The following GLG1 variants were observed in gnomAD, a reference collection of about 807,000 sequenced individuals.
GLG1 encodes Golgi apparatus protein 1.
A neutral mutation model predicts 160.5 loss-of-function variants in GLG1; 38 were observed. That is an observed-to-expected ratio of 0.24 (90% CI 0.18 to 0.31). GLG1 has a LOEUF of 0.31. Among genes scored for constraint, GLG1 ranks in the 10% least tolerant of loss-of-function variants. The pLI, the probability that GLG1 is intolerant of heterozygous loss-of-function variation, is 1.00. For synonymous variants in GLG1, 644 were observed against 543.4 expected, an observed-to-expected ratio of 1.19 and a Z score of -2.57; for missense variants, 1,373 against 1,505.2, an observed-to-expected ratio of 0.91 and a Z score of 1.45.
chr16:74,517,031 T>C (rs1021803886), intron 2 of GLG1, among the ~76,000 whole-genome samples: 1 of 152,160 alleles, frequency 6.6e-6, no homozygotes, highest in Admixed American at 6.5e-5. Context: ...AATAGACTAA[T>C]AACAGGTTCT....
chr16:74,550,717 C>T (rs900576374), intron 1 of GLG1, among the ~76,000 whole-genome samples: 1 of 151,766 alleles, frequency 6.6e-6, no homozygotes, highest in African/African-American at 2.4e-5. Flanking sequence ...GGGGGACAAG[C>T]TTGGCAGCAA....
rs779871984 is a variant in GLG1, at chr16:74,492,919, A to G, written c.1234+38T>C. ...GCTTTAGAGTGTGAATCCAAAAAGG[A>G]ACAGAAATGATAATTAAAAAAAAAA... is the stretch of plus-strand genomic sequence containing the variant. On this transcript the variant is annotated intron_variant, in intron 7 of 25. Coordinates refer to ENST00000422840, the MANE Select transcript of GLG1 (RefSeq NM_001145667.2). 7.5e-6 allele frequency: 10 copies of G among 1,338,750 alleles called. No individual in the cohort carries two copies. In the African/African-American group the frequency reaches 1.5e-4, roughly 20 times the overall value. The allele number at this position is 1,338,750 out of a possible 1,614,324, so 82.9% of individuals were successfully genotyped here.
chr16:74,597,612 G>C (rs1216268457), intron 1 of GLG1, among the ~76,000 whole-genome samples: 1 of 152,066 alleles, frequency 6.6e-6, no homozygotes, highest in Non-Finnish European at 1.5e-5. Flanking sequence ...CCAACACTTT[G>C]GGAGGCCGAA....
rs767987999 is a variant in GLG1, at chr16:74,508,941, A to T, written c.472-16T>A. The stretch of plus-strand genomic sequence containing the variant: ...TCCACAACAACTAGATAGGAGAGGA[A>T]AAAAAAAAACAAAGAAAAACTCCAG... On this transcript the variant is annotated splice_polypyrimidine_tract_variant and intron_variant, in intron 2 of 25. Coordinates refer to ENST00000422840, the MANE Select transcript of GLG1 (RefSeq NM_001145667.2). The T allele has an allele frequency of 1.9e-6, 2 of 1,046,292 alleles. No homozygotes were observed. The highest frequency in any genetic ancestry group is 3.9e-5 in the Admixed American group (2 of 50,918). 64.8% of individuals were successfully genotyped at this position (1,046,292 alleles called of 1,614,324 possible).
intron 8 of GLG1, among the ~76,000 whole-genome samples, chr16:74,486,309 C>T (rs956973155): frequency 6.6e-6 from 1 of 152,160 alleles, no homozygotes; most frequent in Admixed American, 6.5e-5. Context: ...CACTTAGAGA[C>T]CTAATTGGGT....
chr16:74,564,606 G>A (rs532105649), intron 1 of GLG1, among the ~76,000 whole-genome samples: 68 of 152,242 alleles, frequency 4.5e-4, no homozygotes, highest in African/African-American at 1.6e-3. Flanking sequence ...AAACCCAAAA[G>A]GATGGTAACT....
In GLG1 at chr16:74,503,633, C is replaced by T. The variant is rs373016377; in HGVS notation, c.672G>A (p.Thr224=). The T allele has an allele frequency of 4.3e-5, 69 of 1,612,788 alleles. No homozygotes were observed. The highest frequency in any genetic ancestry group is 5.5e-5 in the Non-Finnish European group (65 of 1,178,976). Residue 224 remains threonine (T), a synonymous_variant, in exon 4 of 26, where the codon ACG becomes ACA. Transcript: ENST00000422840. ...AACGGTAATCACTAAAAATGATGGC[C>T]GTCATCTTGGTAATGTACTGGTGAC... ...YQCHQYITKM[T]AIIFSDYRLI...
chr16:74,574,301 G>C (rs2018925031), intron 1 of GLG1, among the ~76,000 whole-genome samples: 1 of 152,128 alleles, frequency 6.6e-6, no homozygotes, highest in Non-Finnish European at 1.5e-5. Flanking sequence ...ACGCTAAACA[G>C]GTTTTCTGGT....
chr16:74,512,120 T>C (rs1015111113), intron 2 of GLG1, among the ~76,000 whole-genome samples: 1 of 151,462 alleles, frequency 6.6e-6, no homozygotes, highest in Non-Finnish European at 1.5e-5. Context: ...TCTACCCTCA[T>C]CTTCTGGCAA....
At chr16:74,583,532 AC>A (rs1351506380) in intron 1 of GLG1, among the ~76,000 whole-genome samples, 2 of 152,098 alleles carry the variant, frequency 1.3e-5, no homozygotes, top group Non-Finnish European at 2.9e-5. Context: ...GGCGCACGCC[AC>A]CACACCTGGC....
At chr16:74,553,317 C>T (rs1034523599) in intron 1 of GLG1, among the ~76,000 whole-genome samples, 12 of 151,986 alleles carry the variant, frequency 7.9e-5, no homozygotes, top group African/African-American at 1.2e-4. Flanking sequence ...CTGCTTTAGC[C>T]TCCCAAGGAG....
At chr16:74,541,711 C>T (rs904771296) in intron 1 of GLG1, among the ~76,000 whole-genome samples, 1 of 152,200 alleles carries the variant, frequency 6.6e-6, no homozygotes, top group African/African-American at 2.4e-5. Flanking sequence ...AAAAACGTTA[C>T]TGCTATCCAA....
Position 74,452,222 on chromosome 16 carries a change from C to A in GLG1, c.*945G>T, listed in dbSNP as rs141450664. 3.9e-6 allele frequency: 6 copies of A among 1,551,960 alleles called. No homozygotes were observed. The African/African-American group carries it at 8.2e-5, about 21-fold the overall frequency. On this transcript the variant is annotated 3_prime_UTR_variant, in exon 26 of 26. Transcript: ENST00000422840. ...CCATCTTCAAGGACCCCTCCCGCCA[C>A]AGTCCTGCCTCCTGATGAAGCGCAG... is the stretch of plus-strand genomic sequence containing the variant.
chr16:74,475,033 T>C (rs572427354), intron 12 of GLG1, among the ~76,000 whole-genome samples: 21 of 151,976 alleles, frequency 1.4e-4, no homozygotes, highest in African/African-American at 5.1e-4. Flanking sequence ...GGTGGGTGCC[T>C]GTAATCCCAG....
intron 1 of GLG1, among the ~76,000 whole-genome samples, chr16:74,593,195 A>G (rs1430326918): frequency 6.6e-6 from 1 of 152,152 alleles, no homozygotes; most frequent in Non-Finnish European, 1.5e-5. Flanking sequence ...ATTCTGTTAT[A>G]GCAACACAAA....
At chr16:74,489,470 T>C (rs1317735117) in intron 8 of GLG1, among the ~76,000 whole-genome samples, 1 of 148,316 alleles carries the variant, frequency 6.7e-6, no homozygotes, top group East Asian at 2.0e-4. Context: ...AGACTCTGTC[T>C]CAAAAAAAAA....
chr16:74,488,904 C>A (rs1463075289), intron 8 of GLG1, among the ~76,000 whole-genome samples: 1 of 152,102 alleles, frequency 6.6e-6, no homozygotes, highest in African/African-American at 2.4e-5. Flanking sequence ...CAGGTGTGAG[C>A]CACCATGCCC....
At chr16:74,554,281 C>T (rs2143709830) in intron 1 of GLG1, among the ~76,000 whole-genome samples, 1 of 152,346 alleles carries the variant, frequency 6.6e-6, no homozygotes, top group South Asian at 2.1e-4. Flanking sequence ...CGCCTGTAAT[C>T]TCAGAACTTT....
intron 13 of GLG1, 149 bp from the exon 14 acceptor site, chr16:74,472,560 C>G (rs913636871): frequency 6.7e-7 from 1 of 1,485,400 alleles, no homozygotes; most frequent in African/African-American, 1.4e-5. Context: ...AAGTAGATAG[C>G]CCCAGAATAA....
Sources: gnomAD v4.1 joint callset for allele counts (sites outside exome capture counted in the v4.1 genomes callset) on GRCh38, gnomAD v4.1.1 for gene constraint, MANE v1.5 for transcripts, NCBI Gene and HGNC (gene_info 2026-07-23, HGNC 2026-07-21) for gene names.